Variants in CD300LF observed in about 807,000 individuals in gnomAD.
CD300LF encodes CD300 molecule like family member f, also known as CMRF35-like molecule 1.
In CD300LF, 27 loss-of-function variants were observed where a neutral mutation model predicts 32.2. That is an observed-to-expected ratio of 0.84 (90% CI 0.62 to 1.15). The LOEUF (loss-of-function observed/expected upper bound fraction) is 1.15. Ranked by LOEUF, CD300LF falls within the 50% of genes most tolerant of loss-of-function variation. The pLI is 0.00. For synonymous variants in CD300LF, 139 were observed against 143.2 expected (o/e 0.97, Z 0.21); for missense variants, 348 against 356.8 (o/e 0.98, Z 0.20).
At chr17:74,704,416 A>G (rs1175595788) in intron 2 of CD300LF, 62 bp downstream of exon 2, 1 of 1,161,616 alleles carries the variant, frequency 8.6e-7, no homozygotes, top group African/African-American at 1.5e-5. Flanking sequence ...CTTGAGTAGG[A>G]CCTCAGAGAC....
At chr17:74,699,317 C>T (rs2032818194) in intron 3 of CD300LF, among the ~76,000 whole-genome samples, 1 of 152,128 alleles carries the variant, frequency 6.6e-6, no homozygotes, top group African/African-American at 2.4e-5. Flanking sequence ...ACTCCTAAAA[C>T]ACCTCCTGCC....
Position 74,704,787 on chromosome 17 carries a change from G to A in CD300LF, c.73C>T (p.Pro25Ser), listed in dbSNP as rs202161884. The A allele has an allele frequency of 3.1e-6, 5 of 1,613,572 alleles. No individual in the cohort carries two copies. In the South Asian group the frequency reaches 3.3e-5, roughly 11 times the overall value. ...CGCTCCAAGCCATTCACTGTTGTTGGACCGGTGATTTGAGTGACAATGGAG... is the reference window on the plus strand; with the variant it reads ...CGCTCCAAGCCATTCACTGTTGTTGAACCGGTGATTTGAGTGACAATGGAG... Reference protein sequence around the residue: ...GYSIVTQITGPTTVNGLERGS... With the variant: ...GYSIVTQITGSTTVNGLERGS... The change falls in exon 2 of 7, where the codon CCA (proline) becomes TCA (serine). Residue 25 changes from proline to serine, a missense_variant. Coordinates refer to ENST00000326165, the MANE Select transcript of CD300LF (RefSeq NM_139018.5).
rs542422427 is a variant in CD300LF, at chr17:74,704,624, C to A, written c.236G>T (p.Arg79Leu). ...TTTCTGATTGTCCTTGATGGACACC[C>A]GGTCCCTCTTCACCTCCTGCTCTGA... ...SGSEQEVKRD[R>L]VSIKDNQKNR... Residue 79 changes from arginine (R) to leucine (L), a missense_variant, in exon 2 of 7, where the codon CGG (arginine) becomes CTG (leucine). By Grantham distance (102) the Arg-to-Leu change is moderately radical (BLOSUM62 -2). Transcript: ENST00000326165. 5 of 1,614,168 alleles carry A rather than the reference C, an allele frequency of 3.1e-6. No homozygotes were observed. The highest frequency in any genetic ancestry group is 1.1e-5 in the South Asian group (1 of 91,082).
intron 1 of CD300LF, 106 bp downstream of exon 1, chr17:74,712,718 C>G: frequency 8.6e-7 from 1 of 1,157,680 alleles, no homozygotes; most frequent in South Asian, 1.3e-5. Flanking sequence ...ACGCACAAGG[C>G]TCATGCCATT....
At chr17:74,700,305 C>G (rs1377225644) in intron 3 of CD300LF, among the ~76,000 whole-genome samples, 1 of 152,160 alleles carries the variant, frequency 6.6e-6, no homozygotes, top group Non-Finnish European at 1.5e-5. Flanking sequence ...CTGCTTCACT[C>G]CAGCCTCACT....
chr17:74,695,375 T>G (rs899217485), intron 6 of CD300LF, 124 bp from the exon 7 acceptor site: 33 of 1,178,250 alleles, frequency 2.8e-5, no homozygotes, highest in Non-Finnish European at 3.6e-5. Flanking sequence ...ACTCAAGCCC[T>G]CCAGCTTCCC....
At chr17:74,698,827 G>A (rs2032768049) in intron 3 of CD300LF, among the ~76,000 whole-genome samples, 2 of 152,098 alleles carry the variant, frequency 1.3e-5, no homozygotes, top group Admixed American at 6.5e-5. Flanking sequence ...GCAATTTACC[G>A]ATATAACAAA....
intron 5 of CD300LF, 21 bp downstream of exon 5, chr17:74,696,174 C>T (rs774287786): frequency 1.9e-6 from 3 of 1,596,302 alleles, no homozygotes; most frequent in Admixed American, 3.7e-5. Context: ...CTCTCTGGTC[C>T]GACCTTGGGG....
At chr17:74,703,574 T>A (rs1418648989) in intron 2 of CD300LF, among the ~76,000 whole-genome samples, 1 of 152,210 alleles carries the variant, frequency 6.6e-6, no homozygotes, top group Non-Finnish European at 1.5e-5. Flanking sequence ...AATCATCATA[T>A]TCAGGAAGAA....
At chr17:74,712,688 A>G (rs1450721202) in intron 1 of CD300LF, 136 bp downstream of exon 1, 15 of 830,990 alleles carry the variant, frequency 1.8e-5, no homozygotes, top group Non-Finnish European at 2.7e-5. Flanking sequence ...TGCTAGGTGA[A>G]TGGTGGGTAT....
intron 1 of CD300LF, among the ~76,000 whole-genome samples, chr17:74,708,334 A>G (rs2033680571): frequency 6.6e-6 from 1 of 152,206 alleles, no homozygotes; most frequent in Non-Finnish European, 1.5e-5. Context: ...GGAAATATTT[A>G]CCAAACACGT....
Position 74,695,775 on chromosome 17 carries a change from T to A in CD300LF, c.667A>T (p.Lys223Ter). ...AGTSPQKATTKLSSAQVDQVE... is the reference protein window; with the variant it reads ...AGTSPQKATT ...TGGTCAACCTGGGCAGAGGAAAGCTTCGTGGTAGCCTTTTGCGGGGAGGTT... is the reference window on the plus strand; with the variant it reads ...TGGTCAACCTGGGCAGAGGAAAGCTACGTGGTAGCCTTTTGCGGGGAGGTT... Residue 223 changes from lysine (K) to a stop codon, truncating the protein, a stop_gained, in exon 6 of 7, where the codon AAG (lysine) becomes TAG (stop). Coordinates refer to ENST00000326165, the MANE Select transcript of CD300LF (RefSeq NM_139018.5). LOFTEE classifies it low-confidence loss of function (END_TRUNC). 1 of 1,614,134 alleles carries A rather than the reference T, an allele frequency of 6.2e-7. No homozygotes were observed. The highest frequency in any genetic ancestry group is 8.5e-7 in the Non-Finnish European group (1 of 1,180,014).
At chr17:74,701,591 C>T (rs2033052806) in intron 3 of CD300LF, among the ~76,000 whole-genome samples, 2 of 152,120 alleles carry the variant, frequency 1.3e-5, no homozygotes, top group African/African-American at 4.8e-5. Flanking sequence ...AGCAAGGTGG[C>T]TTATGCTTTT....
intron 3 of CD300LF, 21 bp from the exon 4 acceptor site, chr17:74,698,502 C>A: frequency 6.2e-7 from 1 of 1,600,054 alleles, no homozygotes. Flanking sequence ...TGGCAAGCGT[C>A]CCCTGCATCC....
At chr17:74,703,903 A>G (rs2033281934) in intron 2 of CD300LF, among the ~76,000 whole-genome samples, 1 of 152,240 alleles carries the variant, frequency 6.6e-6, no homozygotes, top group Non-Finnish European at 1.5e-5. Flanking sequence ...AAGAAATATC[A>G]TTAAGTCCAC....
At position 74,704,681 on chromosome 17, in the gene CD300LF, C is replaced by T. The variant is rs545135472; in HGVS notation, c.179G>A (p.Arg60His). 3.3e-5 allele frequency: 53 copies of T among 1,614,188 alleles called. No individual in the cohort carries two copies. Among genetic ancestry groups the T allele is most frequent in the South Asian group, 1.2e-4 (11 of 91,088 alleles). ...LKWWCRGAIW[R>H]DCKILVKTSG... ...GGTTTTAACAAGGATCTTGCAGTCA[C>T]GCCAAATAGCTCCTCGACACCACCA... is the stretch of plus-strand genomic sequence containing the variant. The change falls in exon 2 of 7, where the codon CGT (arginine) becomes CAT (histidine). Residue 60 changes from arginine to histidine, a missense_variant. By Grantham distance (29) the Arg-to-His change is conservative. Transcript: ENST00000326165.
chr17:74,704,537 C>T lies in CD300LF; in HGVS notation c.323G>A (p.Cys108Tyr), dbSNP rs2033349125. 8 of 1,614,068 alleles carry T rather than the reference C, an allele frequency of 5.0e-6. No homozygotes were observed. The highest frequency in any genetic ancestry group is 5.9e-6 in the Non-Finnish European group (7 of 1,180,042). Reference sequence around the variant, plus strand: ...GTCATTTCCAGTTTTCTCAATTCCACACCAGTAAGTGTCAGCATCAGTTTT... The same window carrying T: ...GTCATTTCCAGTTTTCTCAATTCCATACCAGTAAGTGTCAGCATCAGTTTT... ...LMKTDADTYWCGIEKTGNDLG... is the reference protein window; with the variant it reads ...LMKTDADTYWYGIEKTGNDLG... The change falls in exon 2 of 7, where the codon TGT becomes TAT. Residue 108 changes from cysteine (C) to tyrosine (Y), a missense_variant. Physicochemically the swap from Cys to Tyr is radical, Grantham distance 194 (BLOSUM62 -2). Coordinates refer to ENST00000326165, the MANE Select transcript of CD300LF (RefSeq NM_139018.5).
intron 1 of CD300LF, among the ~76,000 whole-genome samples, chr17:74,708,009 G>A (rs754654338): frequency 9.9e-5 from 15 of 151,768 alleles, no homozygotes; most frequent in South Asian, 4.2e-4. Flanking sequence ...TTAGCCTGGC[G>A]TGGTGGCACA....
rs558831769 is a variant in CD300LF, at chr17:74,705,380, A to G, written c.44-564T>C. 72 of 636,850 alleles carry G rather than the reference A, an allele frequency of 1.1e-4. No homozygotes were observed. The East Asian group carries it at 2.0e-3, about 17-fold the overall frequency. 39.4% of individuals were successfully genotyped at this position (636,850 alleles called of 1,614,324 possible). On this transcript the variant is annotated intron_variant, in intron 1 of 6. Coordinates refer to ENST00000326165, the MANE Select transcript of CD300LF (RefSeq NM_139018.5). ...CAACGGCAACTGGTCTCCATGTGCT[A>G]TAGGATCCATACAACACAGATCCCA...
Sources: allele counts gnomAD v4.1 joint callset (sites outside exome capture counted in the v4.1 genomes callset), GRCh38; gene constraint gnomAD v4.1.1; transcripts MANE v1.5; gene names NCBI Gene and HGNC (gene_info 2026-07-23, HGNC 2026-07-21).